Variants in NEDD4L observed in about 807,000 individuals in gnomAD.
NEDD4L encodes the protein E3 ubiquitin-protein ligase NEDD4-like.
In NEDD4L, 54 loss-of-function variants were observed where a neutral mutation model predicts 148.9. That is an observed-to-expected ratio of 0.36 (90% CI 0.29 to 0.45). NEDD4L has a LOEUF of 0.45. NEDD4L is among the 20% of genes least tolerant of loss of function. The pLI, the probability that NEDD4L is intolerant of heterozygous loss-of-function variation, is 1.00. For synonymous variants in NEDD4L, 433 were observed against 440.7 expected, an observed-to-expected ratio of 0.98 and a Z score of 0.22; for missense variants, 856 against 1,233.8, an observed-to-expected ratio of 0.69 and a Z score of 4.59.
intron 1 of NEDD4L, chr18:58,047,330 T>C: frequency 1.0e-6 from 1 of 985,086 alleles, no homozygotes; most frequent in Middle Eastern, 5.2e-4. Context: ...GATTTGAGAT[T>C]GTTGAAAAGC....
Position 58,335,411 on chromosome 18 carries a change from G to A in NEDD4L, c.1066-67G>A. ...CCTTACAGCGCTGCCACAGCAGTGG[G>A]CCCTGATTCAGACAGCAGGGGGTCA... On this transcript the variant is annotated intron_variant, in intron 12 of 30. Coordinates refer to ENST00000400345, the MANE Select transcript of NEDD4L (RefSeq NM_001144967.3). The A allele has an allele frequency of 2.3e-6, 3 of 1,288,366 alleles. No homozygotes were observed. In the South Asian group the frequency reaches 3.6e-5, roughly 15 times the overall value. The allele number at this position is 1,288,366 out of a possible 1,614,324, so 79.8% of individuals were successfully genotyped here. A position where few individuals can be genotyped will look rare whatever the true frequency, so the allele number is the denominator to read the frequency against.
intron 25 of NEDD4L, among the ~76,000 whole-genome samples, chr18:58,383,613 A>G (rs1261486674): frequency 6.6e-6 from 1 of 152,256 alleles, no homozygotes. Context: ...GATATCAACT[A>G]AGATTTAGAA....
chr18:58,059,357 G>C (rs2082224445), intron 1 of NEDD4L, among the ~76,000 whole-genome samples: 1 of 152,182 alleles, frequency 6.6e-6, no homozygotes, highest in Non-Finnish European at 1.5e-5. Context: ...ACGGAAGAAG[G>C]TTGCAGACCC....
chr18:58,293,339 A>G (rs1163657983), intron 5 of NEDD4L, among the ~76,000 whole-genome samples: 1 of 152,242 alleles, frequency 6.6e-6, no homozygotes, highest in Non-Finnish European at 1.5e-5. Flanking sequence ...ATCAATGCCA[A>G]TGTAGGTAAT....
intron 22 of NEDD4L, among the ~76,000 whole-genome samples, chr18:58,369,180 G>A (rs981751195): frequency 6.6e-6 from 1 of 152,196 alleles, no homozygotes; most frequent in African/African-American, 2.4e-5. Flanking sequence ...CCCAGGATGA[G>A]CTGCACCTCG....
At chr18:58,296,571 G>T (rs551546219) in intron 5 of NEDD4L, among the ~76,000 whole-genome samples, 1 of 152,192 alleles carries the variant, frequency 6.6e-6, no homozygotes, top group East Asian at 1.9e-4. Context: ...AGCCTCTGCC[G>T]CTGGGGCTGC....
At chr18:58,045,548 C>G (rs528114071) in intron 1 of NEDD4L, 67 of 157,472 alleles carry the variant, frequency 4.3e-4, no homozygotes, top group Admixed American at 1.4e-3. Context: ...CCCACTCCCC[C>G]CTTTTGAAAC....
rs186542082 is a variant in NEDD4L at position 58,058,029 on chromosome 18, C to T, written c.48+13321C>T. ...AATTTTTAAAAAATGGTGGTAAGGC[C>T]GGCCGCGGTGGCTCACGCCTGTAAT... On this transcript the variant is annotated intron_variant, in intron 1 of 30. Transcript: ENST00000400345. Among the ~76,000 whole-genome samples, 242 of 152,278 alleles carry T rather than the reference C, an allele frequency of 1.6e-3. 1 individual carries two copies. Among genetic ancestry groups the T allele is most frequent in the African/African-American group, 5.4e-3 (224 of 41,552 alleles).
At position 58,394,284 on chromosome 18, in the gene NEDD4L, C is replaced by T. The variant is rs2050201001; in HGVS notation, c.2826-1883C>T. 3.3e-5 allele frequency among the ~76,000 whole-genome samples: 5 copies of T among 152,220 alleles called. No individual in the cohort carries two copies. The South Asian group carries it at 1.0e-3, about 32-fold the overall frequency. ...TTATGACCCACTTTTTTACAGATAA[C>T]ACTGGGATGCAAAGCGGTGAAGCAT... is the stretch of plus-strand genomic sequence containing the variant. On this transcript the variant is annotated intron_variant, in intron 30 of 30. Coordinates refer to ENST00000400345, the MANE Select transcript of NEDD4L (RefSeq NM_001144967.3).
At position 58,195,439 on chromosome 18, in the gene NEDD4L, G is replaced by C. The variant is rs915541360; in HGVS notation, c.122+29578G>C. 5 of 1,317,314 alleles carry C rather than the reference G, an allele frequency of 3.8e-6. No homozygotes were observed. The Admixed American group carries it at 1.0e-4, about 26-fold the overall frequency. The allele number at this position is 1,317,314 out of a possible 1,614,324, so 81.6% of individuals were successfully genotyped here. A position where few individuals can be genotyped will look rare whatever the true frequency, so the allele number is the denominator to read the frequency against. Reference sequence around the variant, plus strand: ...TTTGCTCCCGATTCGAGAGAGGCAGGCATCCGCGGCAGCAGCTTCCAACCC... The same window carrying C: ...TTTGCTCCCGATTCGAGAGAGGCAGCCATCCGCGGCAGCAGCTTCCAACCC... On this transcript the variant is annotated intron_variant, in intron 2 of 30. Transcript: ENST00000400345.
chr18:58,364,436 A>G lies in NEDD4L; in HGVS notation c.1833+103A>G, dbSNP rs1962416267. The G allele has an allele frequency of 5.9e-6, 4 of 677,934 alleles. No homozygotes were observed. The Admixed American group carries it at 1.2e-4, about 21-fold the overall frequency. 42.0% of individuals were successfully genotyped at this position (677,934 alleles called of 1,614,324 possible). A position where few individuals can be genotyped will look rare whatever the true frequency, so the allele number is the denominator to read the frequency against. ...TGGTTGTTACTTTTATATGAATGCTAAAAATATTACCTTCCTTTTCTCTCT... is the reference window on the plus strand; with the variant it reads ...TGGTTGTTACTTTTATATGAATGCTGAAAATATTACCTTCCTTTTCTCTCT... On this transcript the variant is annotated intron_variant, in intron 20 of 30. Transcript: ENST00000400345.
intron 1 of NEDD4L, among the ~76,000 whole-genome samples, chr18:58,112,766 A>G (rs894118355): frequency 6.6e-6 from 1 of 152,228 alleles, no homozygotes; most frequent in Middle Eastern, 3.2e-3. Context: ...CTGGGATTAC[A>G]GGCATGAGCC....
chr18:58,107,801 C>T (rs1176500355), intron 1 of NEDD4L, among the ~76,000 whole-genome samples: 2 of 152,174 alleles, frequency 1.3e-5, no homozygotes, highest in Non-Finnish European at 2.9e-5. Flanking sequence ...CAGCTTTAAC[C>T]TCCCAGGCTC....
intron 2 of NEDD4L, among the ~76,000 whole-genome samples, chr18:58,196,718 T>C (rs1028727835): frequency 8.5e-5 from 12 of 141,912 alleles, no homozygotes; most frequent in African/African-American, 2.9e-4. Context: ...CTCTTTTTTT[T>C]TTTTTTTTTT....
chr18:58,055,233 G>A (rs1283174304), intron 1 of NEDD4L, among the ~76,000 whole-genome samples: 1 of 152,110 alleles, frequency 6.6e-6, no homozygotes, highest in African/African-American at 2.4e-5. Context: ...GAGGTGGGAG[G>A]ATCACTTGAA....
intron 1 of NEDD4L, among the ~76,000 whole-genome samples, chr18:58,070,240 A>C (rs956568588): frequency 6.6e-6 from 1 of 151,736 alleles, no homozygotes; most frequent in African/African-American, 2.4e-5. Flanking sequence ...CTGACCAAAA[A>C]ATTTTTTATT....
At chr18:58,156,571 G>A (rs896955452) in intron 1 of NEDD4L, among the ~76,000 whole-genome samples, 1 of 152,072 alleles carries the variant, frequency 6.6e-6, no homozygotes, top group Admixed American at 6.5e-5. Flanking sequence ...GGAACATCAG[G>A]GGCTATCTGG....
At chr18:58,045,795 C>A (rs1394335072) in intron 1 of NEDD4L, 1 of 152,198 alleles carries the variant, frequency 6.6e-6, no homozygotes, top group Non-Finnish European at 1.5e-5. Context: ...GGAGGTATTT[C>A]CTATCCTGGT....
intron 1 of NEDD4L, among the ~76,000 whole-genome samples, chr18:58,104,849 C>T (rs1012465018): frequency 6.6e-6 from 1 of 151,316 alleles, no homozygotes; most frequent in Non-Finnish European, 1.5e-5. Flanking sequence ...ACTACACCCC[C>T]GCCCCCCAAC....
Sources: allele counts gnomAD v4.1 joint callset (sites outside exome capture counted in the v4.1 genomes callset), GRCh38; gene constraint gnomAD v4.1.1; transcripts MANE v1.5; gene names NCBI Gene and HGNC (gene_info 2026-07-23, HGNC 2026-07-21).